Variants in SYNE1 observed in about 807,000 individuals in gnomAD.
SYNE1 encodes the protein spectrin repeat containing nuclear envelope protein 1, also known as nesprin-1.
A neutral mutation model predicts 1,111.0 loss-of-function variants in SYNE1; 616 were observed. The observed-to-expected ratio is 0.55, with a 90% CI of 0.52 to 0.59. The LOEUF is 0.59. Ranked by LOEUF, SYNE1 falls within the 20% of genes least tolerant of loss-of-function variation. SYNE1 has a pLI of 0.00. For missense variants in SYNE1, 10,006 were observed against 10,417.0 expected (o/e 0.96, Z 1.72); for synonymous variants, 3,855 against 3,825.8 (o/e 1.01, Z -0.28).
At chr6:152,426,999 T>C (rs903227016) in intron 38 of SYNE1, among the ~76,000 whole-genome samples, 46 of 152,342 alleles carry the variant, frequency 3.0e-4, no homozygotes, top group African/African-American at 9.4e-4. Context: ...ATACAATAAA[T>C]CTTTTTTGAG....
chr6:152,495,822 C>T (rs947106166), intron 11 of SYNE1, among the ~76,000 whole-genome samples: 1 of 152,214 alleles, frequency 6.6e-6, no homozygotes, highest in African/African-American at 2.4e-5. Context: ...AACCCCTTCC[C>T]GTCCCTTGTC....
intron 28 of SYNE1, among the ~76,000 whole-genome samples, chr6:152,448,366 G>A (rs1449574201): frequency 1.3e-5 from 2 of 152,182 alleles, no homozygotes; most frequent in Non-Finnish European, 2.9e-5. Context: ...CCAGGGCTTT[G>A]CCAGGGCAAA....
chr6:152,596,494 G>C (rs892700708), intron 3 of SYNE1, among the ~76,000 whole-genome samples: 15 of 152,140 alleles, frequency 9.9e-5, no homozygotes, highest in African/African-American at 3.6e-4. Flanking sequence ...GACCTCGAGT[G>C]ATCCGCCCGC....
chr6:152,208,491 A>C lies in SYNE1; in HGVS notation c.22590-285T>G, dbSNP rs147380417. On this transcript the variant is annotated intron_variant, in intron 124 of 145. Coordinates refer to ENST00000367255, the MANE Select transcript of SYNE1 (RefSeq NM_182961.4). ...TGTCCTTCACTGTCTCCCTGAGAGC[A>C]TGAGAGGGGAGGAGTGGACAGCTGC... is the stretch of plus-strand genomic sequence containing the variant. 4.1e-3 allele frequency among the ~76,000 whole-genome samples: 625 copies of C among 152,296 alleles called. 3 individuals are homozygous for C. The highest frequency in any genetic ancestry group is 0.015 in the African/African-American group (608 of 41,552).
At chr6:152,377,640 A>ATATAT (rs1346257994) in intron 56 of SYNE1, among the ~76,000 whole-genome samples, 1 of 33,862 alleles carries the variant, frequency 3.0e-5, no homozygotes, top group African/African-American at 1.5e-4. Flanking sequence ...AAAAAAAAAA[A>ATATAT]ATATATATAT....
intron 95 of SYNE1, 138 bp downstream of exon 95, chr6:152,293,450 T>C: frequency 2.4e-6 from 2 of 836,904 alleles, no homozygotes; most frequent in Non-Finnish European, 4.0e-6. Context: ...GGACCCTTGT[T>C]TACTCTGGAA....
intron 4 of SYNE1, among the ~76,000 whole-genome samples, chr6:152,526,983 A>G (rs571333874): frequency 6.6e-6 from 1 of 152,294 alleles, no homozygotes; most frequent in South Asian, 2.1e-4. Context: ...GAGAAAGTAA[A>G]GAAGCCATTA....
chr6:152,430,911 G>C (rs528439952), intron 34 of SYNE1, among the ~76,000 whole-genome samples: 1 of 152,248 alleles, frequency 6.6e-6, no homozygotes, highest in South Asian at 2.1e-4. Flanking sequence ...TGATGGGTTG[G>C]GGGGTGCTTG....
Position 152,146,824 on chromosome 6 carries a change from C to T in SYNE1, c.24976+1221G>A, listed in dbSNP as rs79087126. On this transcript the variant is annotated intron_variant, in intron 137 of 145. Coordinates refer to ENST00000367255, the MANE Select transcript of SYNE1 (RefSeq NM_182961.4). ...TGCATGTGTGGCTTGGGTGGTGGTC[C>T]TTCTTGTTTTCCTTCACACACTCTT... The T allele has an allele frequency of 4.6e-5, 7 of 152,352 alleles. No individual in the cohort carries two copies. In the East Asian group the frequency reaches 1.2e-3, roughly 25 times the overall value. 9.4% of individuals were successfully genotyped at this position (152,352 alleles called of 1,614,324 possible).
At chr6:152,361,922 T>C (rs1008230359) in intron 64 of SYNE1, among the ~76,000 whole-genome samples, 1 of 152,054 alleles carries the variant, frequency 6.6e-6, no homozygotes, top group African/African-American at 2.4e-5. Flanking sequence ...GGTGCTACAT[T>C]TTAAATGGTT....
intron 67 of SYNE1, 29 bp downstream of exon 67, chr6:152,354,630 C>G: frequency 6.2e-7 from 1 of 1,612,154 alleles, no homozygotes. Context: ...GTAGCTTTGA[C>G]AAAGATCAGG....
intron 127 of SYNE1, among the ~76,000 whole-genome samples, chr6:152,197,828 AC>A (rs2074488830): frequency 6.6e-6 from 1 of 152,184 alleles, no homozygotes; most frequent in South Asian, 2.1e-4. Flanking sequence ...ATGAACACTG[AC>A]TTTAAGTCAC....
intron 14 of SYNE1, among the ~76,000 whole-genome samples, chr6:152,473,309 T>A (rs889083907): frequency 1.3e-5 from 2 of 152,178 alleles, no homozygotes; most frequent in Non-Finnish European, 1.5e-5. Context: ...ACCAAAATAA[T>A]ACATTAAAAT....
intron 130 of SYNE1, among the ~76,000 whole-genome samples, chr6:152,171,659 G>A (rs1018758032): frequency 5.3e-5 from 8 of 152,186 alleles, no homozygotes; most frequent in South Asian, 2.1e-4. Context: ...GAATAGAAAG[G>A]AAGAGGCCCT....
At chr6:152,255,444 T>C (rs1182516204) in intron 103 of SYNE1, 147 bp downstream of exon 103, 2 of 989,470 alleles carry the variant, frequency 2.0e-6, no homozygotes, top group East Asian at 2.5e-5. Flanking sequence ...ATGCGAACTA[T>C]AAATATTCTG....
In SYNE1 at chr6:152,330,260, G is replaced by T. The variant is rs780385769; in HGVS notation, c.14425C>A (p.Leu4809Met). Reference sequence around the variant, plus strand: ...ATTTTGAGCTTCTCCTCTGCAGGCAGCGTTTCCTCATTCACTTTGGACTGC... The same window carrying T: ...ATTTTGAGCTTCTCCTCTGCAGGCATCGTTTCCTCATTCACTTTGGACTGC... ...EEQSKVNEET[L>M]PAEEKLKMYH... The change falls in exon 78 of 146, where the codon CTG becomes ATG. Residue 4809 changes from leucine to methionine, a missense_variant. Coordinates refer to ENST00000367255, the MANE Select transcript of SYNE1 (RefSeq NM_182961.4). 1.2e-6 allele frequency: 2 copies of T among 1,614,174 alleles called. No homozygotes were observed. The highest frequency in any genetic ancestry group is 2.2e-5 in the South Asian group (2 of 91,082).
chr6:152,629,976 A>G (rs1486008639), intron 2 of SYNE1, among the ~76,000 whole-genome samples: 1 of 152,180 alleles, frequency 6.6e-6, no homozygotes, highest in East Asian at 1.9e-4. Flanking sequence ...ATAGTCCATA[A>G]AAGGACTTTG....
In SYNE1 at chr6:152,362,309, G is replaced by C. The variant is rs201621810; in HGVS notation, c.10160C>G (p.Ala3387Gly). Residue 3387 changes from alanine (A) to glycine (G), a missense_variant, in exon 64 of 146, where the codon GCT becomes GGT. Ala to Gly is a moderately conservative substitution (Grantham distance 60). Transcript: ENST00000367255. ...CTGATAACTTGTCCACTTGGAGAGA[G>C]CTCCTTCGAGTTGGCTGAAAGGGAT... ...GIRCKSQLEG[A>G]LSKWTSYQDG... 146 of 1,614,102 alleles carry C rather than the reference G, an allele frequency of 9.0e-5. No homozygotes were observed. The highest frequency in any genetic ancestry group is 1.2e-4 in the Non-Finnish European group (139 of 1,180,050).
At position 152,236,427 on chromosome 6, in the gene SYNE1, C is replaced by G. The variant is rs145953427; in HGVS notation, c.20200-124G>C. The G allele has an allele frequency of 7.3e-3, 5,291 of 726,174 alleles. 61 individuals are homozygous for G. Among genetic ancestry groups the G allele is most frequent in the Middle Eastern group, 0.035 (92 of 2,618 alleles). 45.0% of individuals were successfully genotyped at this position (726,174 alleles called of 1,614,324 possible). On this transcript the variant is annotated intron_variant, in intron 109 of 145. Transcript: ENST00000367255. Reference sequence around the variant, plus strand: ...TATTCAAACTTAAACTATACTCACTCAAGTAACATTGAAAACTTTAAGATG... The same window carrying G: ...TATTCAAACTTAAACTATACTCACTGAAGTAACATTGAAAACTTTAAGATG...
Sources: gnomAD v4.1 joint callset for allele counts (sites outside exome capture counted in the v4.1 genomes callset) on GRCh38, gnomAD v4.1.1 for gene constraint, MANE v1.5 for transcripts, NCBI Gene and HGNC (gene_info 2026-07-23, HGNC 2026-07-21) for gene names.